RERE: variants seen among roughly 807,000 people sequenced by gnomAD.
RERE encodes arginine-glutamic acid dipeptide repeats, also known as arginine-glutamic acid dipeptide repeats protein.
A neutral mutation model predicts 146.1 loss-of-function variants in RERE; 40 were observed. The observed-to-expected ratio is 0.27, with a 90% confidence interval of 0.21 to 0.36. The LOEUF is 0.36. Among genes scored for constraint, RERE ranks in the 10% least tolerant of loss-of-function variants. The pLI is 1.00. For missense variants in RERE, 1,933 were observed against 2,138.7 expected (o/e 0.90, Z 1.90); for synonymous variants, 1,003 against 866.0 (o/e 1.16, Z -2.78).
intron 12 of RERE, among the ~76,000 whole-genome samples, chr1:8,401,806 C>G (rs1643271096): frequency 6.6e-6 from 1 of 151,570 alleles, no homozygotes; most frequent in African/African-American, 2.4e-5. Context: ...GTGAATTGGA[C>G]TTAGTGACTG....
At chr1:8,703,231 G>C (rs555773437) in intron 1 of RERE, 3 of 150,662 alleles carry the variant, frequency 2.0e-5, no homozygotes, top group Admixed American at 2.0e-4. Context: ...AGGGCACCGC[G>C]GCGCGGGCGC....
intron 4 of RERE, among the ~76,000 whole-genome samples, chr1:8,560,344 A>C (rs1290946974): frequency 6.6e-6 from 1 of 152,224 alleles, no homozygotes; most frequent in Admixed American, 6.5e-5. Flanking sequence ...AACATTGCTA[A>C]ATCTCCCCTG....
At chr1:8,450,000 A>G (rs1286902410) in intron 11 of RERE, among the ~76,000 whole-genome samples, 1 of 152,138 alleles carries the variant, frequency 6.6e-6, no homozygotes, top group Non-Finnish European at 1.5e-5. Context: ...TCCTCATGGC[A>G]TCTACCTGAA....
At chr1:8,503,088 AAATAAAT>A (rs1557662540) in intron 8 of RERE, among the ~76,000 whole-genome samples, 10 of 59,194 alleles carry the variant, frequency 1.7e-4, no homozygotes, top group African/African-American at 5.7e-4. Flanking sequence ...GATCAATTAA[AAATAAAT>A]AAATAAATAA....
At chr1:8,361,647 G>C in intron 17 of RERE, 116 bp downstream of exon 17, 1 of 1,313,188 alleles carries the variant, frequency 7.6e-7, no homozygotes, top group South Asian at 1.3e-5. Flanking sequence ...AGTGTCAAAG[G>C]CCACTCCAGC....
chr1:8,739,534 A>G (rs1221954993), intron 1 of RERE, among the ~76,000 whole-genome samples: 1 of 152,138 alleles, frequency 6.6e-6, no homozygotes, highest in African/African-American at 2.4e-5. Context: ...TTCCTCCTCA[A>G]TGTCTCTCCA....
chr1:8,783,909 T>C (rs1222829390), intron 1 of RERE, among the ~76,000 whole-genome samples: 2 of 152,064 alleles, frequency 1.3e-5, no homozygotes, highest in South Asian at 2.1e-4. Context: ...CCACCAAAGA[T>C]TGCCAGCAGC....
At chr1:8,376,147 T>C (rs928124754) in intron 12 of RERE, among the ~76,000 whole-genome samples, 1 of 152,218 alleles carries the variant, frequency 6.6e-6, no homozygotes, top group Non-Finnish European at 1.5e-5. Context: ...TTTAAAGCAC[T>C]AAGAGGAAAT....
chr1:8,636,891 G>T (rs1557448857), intron 2 of RERE, among the ~76,000 whole-genome samples: 1 of 150,700 alleles, frequency 6.6e-6, no homozygotes, highest in Non-Finnish European at 1.5e-5. Context: ...TGTAGCTCAA[G>T]AACCAAGCCG....
intron 4 of RERE, among the ~76,000 whole-genome samples, chr1:8,607,107 C>A (rs574834167): frequency 1.3e-5 from 2 of 152,056 alleles, no homozygotes; most frequent in Non-Finnish European, 2.9e-5. Flanking sequence ...ACAATTGTAA[C>A]CCTAACCCTT....
In RERE at chr1:8,673,000, G is replaced by A. The variant is rs550734876; in HGVS notation, c.-144-16559C>T. Among the ~76,000 whole-genome samples, 3 of 152,248 alleles carry A rather than the reference G, an allele frequency of 2.0e-5. No homozygotes were observed. The South Asian group carries it at 6.2e-4, about 32-fold the overall frequency. ...GACAGAATGACTAGAATCAGATGGA[G>A]GGAAGAAAAGGTTTTCATTTCTACC... On this transcript the variant is annotated intron_variant, in intron 1 of 22. Transcript: ENST00000400908.
chr1:8,438,097 C>T (rs941326536), intron 11 of RERE, among the ~76,000 whole-genome samples: 5 of 152,204 alleles, frequency 3.3e-5, no homozygotes, highest in African/African-American at 7.2e-5. Context: ...CCTCCTGGCT[C>T]GGCCTCCCAA....
intron 1 of RERE, among the ~76,000 whole-genome samples, chr1:8,774,989 T>C (rs923267285): frequency 2.4e-5 from 3 of 125,768 alleles, no homozygotes; most frequent in Non-Finnish European, 3.2e-5. Flanking sequence ...TTTGAAACAG[T>C]CTCACTCTGT....
chr1:8,759,852 C>CACACACACACACAT (rs1553146172), intron 1 of RERE, among the ~76,000 whole-genome samples: 5 of 151,546 alleles, frequency 3.3e-5, no homozygotes, highest in African/African-American at 1.2e-4. Context: ...CACACACACA[C>CACACACACACACAT]ACACACACAC....
intron 12 of RERE, among the ~76,000 whole-genome samples, chr1:8,383,596 C>T (rs1642530204): frequency 6.6e-6 from 1 of 152,184 alleles, no homozygotes; most frequent in Non-Finnish European, 1.5e-5. Context: ...TGCGGTGGCT[C>T]ATACCTGTAA....
intron 1 of RERE, among the ~76,000 whole-genome samples, chr1:8,695,374 T>C (rs1415187995): frequency 6.6e-6 from 1 of 151,794 alleles, no homozygotes; most frequent in East Asian, 1.9e-4. Flanking sequence ...TATGACTAAG[T>C]CCTCAAAAGC....
intron 4 of RERE, among the ~76,000 whole-genome samples, chr1:8,604,618 G>GAAAGGA (rs1557429008): frequency 1.5e-5 from 1 of 66,066 alleles, no homozygotes; most frequent in Non-Finnish European, 2.9e-5. Context: ...GGGAGGGAGG[G>GAAAGGA]AGGGAGGAAG....
intron 11 of RERE, among the ~76,000 whole-genome samples, chr1:8,436,539 G>C (rs1428862545): frequency 1.3e-5 from 2 of 152,080 alleles, no homozygotes; most frequent in Admixed American, 1.3e-4. Flanking sequence ...AAGAAATGTG[G>C]ATTGTCTAGA....
chr1:8,382,486 T>C (rs1188257069), intron 12 of RERE, among the ~76,000 whole-genome samples: 2 of 152,374 alleles, frequency 1.3e-5, no homozygotes, highest in African/African-American at 2.4e-5. Context: ...TGGGGAAGAA[T>C]GGAGAAAAAC....
Sources: gnomAD v4.1 joint callset for allele counts (sites outside exome capture counted in the v4.1 genomes callset) on GRCh38, gnomAD v4.1.1 for gene constraint, MANE v1.5 for transcripts, NCBI Gene and HGNC (gene_info 2026-07-23, HGNC 2026-07-21) for gene names.